Variants in CTNNA3 observed in about 807,000 individuals in gnomAD.
The protein encoded by CTNNA3 is catenin alpha 3.
CTNNA3 carries 76 observed loss-of-function variants against 95.7 expected under a neutral mutation model. The ratio of observed to expected loss-of-function variants is 0.79; its 90% CI spans 0.66 to 0.96. The LOEUF is 0.96. Ranked by LOEUF, CTNNA3 falls within the 40% of genes least tolerant of loss-of-function variation. The probability of loss-of-function intolerance (pLI) is 0.00; values close to 1 mark genes in which losing one functional copy is unlikely to be tolerated. For missense variants in CTNNA3, 1,191 were observed against 1,089.8 expected, an observed-to-expected ratio of 1.09 and a Z score of -1.31; for synonymous variants, 431 against 374.4, an observed-to-expected ratio of 1.15 and a Z score of -1.74.
At chr10:66,095,489 A>G (rs143111187) in intron 14 of CTNNA3, among the ~76,000 whole-genome samples, 1 of 152,260 alleles carries the variant, frequency 6.6e-6, no homozygotes, top group East Asian at 1.9e-4. Context: ...ATGTGTCCCA[A>G]TATTCTGTAA....
chr10:66,372,811 G>C (rs1004556215), intron 12 of CTNNA3, among the ~76,000 whole-genome samples: 1 of 152,102 alleles, frequency 6.6e-6, no homozygotes, highest in African/African-American at 2.4e-5. Flanking sequence ...GATTTTGTGA[G>C]AACTCACTGT....
intron 7 of CTNNA3, among the ~76,000 whole-genome samples, chr10:66,874,897 G>C (rs1310238930): frequency 1.3e-5 from 2 of 152,186 alleles, no homozygotes; most frequent in African/African-American, 4.8e-5. Flanking sequence ...ACCAGAAACA[G>C]ACACTATTCC....
At chr10:66,587,402 G>T (rs1170423566) in intron 10 of CTNNA3, among the ~76,000 whole-genome samples, 1 of 152,080 alleles carries the variant, frequency 6.6e-6, no homozygotes, top group Non-Finnish European at 1.5e-5. Context: ...GTCACTCAGG[G>T]GAGGTATTCC....
intron 15 of CTNNA3, among the ~76,000 whole-genome samples, chr10:66,025,445 A>G (rs1185797887): frequency 6.6e-6 from 1 of 152,186 alleles, no homozygotes; most frequent in African/African-American, 2.4e-5. Context: ...CAAGTCAGCA[A>G]TTGCTCATTT....
intron 10 of CTNNA3, among the ~76,000 whole-genome samples, chr10:66,562,935 A>T (rs527544208): frequency 1.3e-5 from 2 of 152,252 alleles, no homozygotes; most frequent in African/African-American, 4.8e-5. Flanking sequence ...CATTTCAGGA[A>T]CATTAAAATA....
intron 5 of CTNNA3, among the ~76,000 whole-genome samples, chr10:67,249,892 A>C (rs1866039714): frequency 6.6e-6 from 1 of 152,086 alleles, no homozygotes; most frequent in Non-Finnish European, 1.5e-5. Context: ...CCCAGAAAAA[A>C]CCCACACAGA....
chr10:67,451,986 T>C (rs1847003250), intron 5 of CTNNA3, among the ~76,000 whole-genome samples: 1 of 148,030 alleles, frequency 6.8e-6, no homozygotes, highest in Admixed American at 6.8e-5. Context: ...AACACATAGT[T>C]AGAGTTCCGA....
intron 8 of CTNNA3, among the ~76,000 whole-genome samples, chr10:66,772,039 CT>C (rs5785785): frequency 0.85 from 129,160 of 151,958 alleles, 55,185 homozygotes; most frequent in East Asian, 1. Flanking sequence ...AGGCATCAAG[CT>C]GTACAAGTCA....
intron 13 of CTNNA3, among the ~76,000 whole-genome samples, chr10:66,269,684 A>G (rs1367245218): frequency 6.6e-6 from 1 of 152,204 alleles, no homozygotes; most frequent in African/African-American, 2.4e-5. Flanking sequence ...GACTGATAAT[A>G]GAGGATAATG....
At chr10:66,292,552 C>T (rs935531233) in intron 12 of CTNNA3, among the ~76,000 whole-genome samples, 9 of 152,062 alleles carry the variant, frequency 5.9e-5, no homozygotes, top group African/African-American at 2.2e-4. Context: ...AAAGTTCTGC[C>T]ACTGCAATTC....
chr10:66,660,212 GCT>G (rs1370119922), intron 9 of CTNNA3, among the ~76,000 whole-genome samples: 1 of 152,104 alleles, frequency 6.6e-6, no homozygotes, highest in Non-Finnish European at 1.5e-5. Context: ...ACTGGTGACT[GCT>G]CATTGACTAA....
chr10:66,895,933 AAAG>A (rs1465278963), intron 7 of CTNNA3, among the ~76,000 whole-genome samples: 13 of 150,696 alleles, frequency 8.6e-5, no homozygotes, highest in Non-Finnish European at 1.9e-4. Context: ...AAAAAAAAAA[AAAG>A]AACACACAGA....
chr10:66,469,177 C>T (rs1421530890), intron 11 of CTNNA3, among the ~76,000 whole-genome samples: 2 of 151,776 alleles, frequency 1.3e-5, no homozygotes, highest in Non-Finnish European at 2.9e-5. Context: ...TTTTGGGGCT[C>T]ACATATTCAA....
At chr10:66,783,714 C>T (rs1840631676) in intron 7 of CTNNA3, among the ~76,000 whole-genome samples, 1 of 152,152 alleles carries the variant, frequency 6.6e-6, no homozygotes, top group African/African-American at 2.4e-5. Context: ...TAGCATTACA[C>T]ACATAGACCA....
chr10:67,342,915 G>A (rs1842269466), intron 5 of CTNNA3, among the ~76,000 whole-genome samples: 1 of 151,526 alleles, frequency 6.6e-6, no homozygotes, highest in Non-Finnish European at 1.5e-5. Flanking sequence ...TCTTTTTTTG[G>A]ATGGCTTTGG....
intron 7 of CTNNA3, among the ~76,000 whole-genome samples, chr10:67,110,022 C>T (rs1232395546): frequency 6.6e-6 from 1 of 152,006 alleles, no homozygotes; most frequent in Admixed American, 6.6e-5. Context: ...CAAAGGCAGC[C>T]ATGAGAATTC....
At chr10:67,266,037 A>T (rs1454715682) in intron 5 of CTNNA3, among the ~76,000 whole-genome samples, 2 of 152,178 alleles carry the variant, frequency 1.3e-5, no homozygotes, top group East Asian at 3.8e-4. Flanking sequence ...CATTTCATGA[A>T]AGATTTCAAT....
At chr10:66,365,252 G>A (rs1185472648) in intron 12 of CTNNA3, among the ~76,000 whole-genome samples, 1 of 152,066 alleles carries the variant, frequency 6.6e-6, no homozygotes, top group Admixed American at 6.6e-5. Context: ...GGATGAAGCT[G>A]GAAACCATCA....
At chr10:66,484,884 G>A (rs919839545) in intron 11 of CTNNA3, among the ~76,000 whole-genome samples, 2 of 152,224 alleles carry the variant, frequency 1.3e-5, no homozygotes, top group African/African-American at 4.8e-5. Context: ...CATGTGCTAT[G>A]ATAAAGTGGG....
Sources: gnomAD v4.1 joint callset for allele counts (sites outside exome capture counted in the v4.1 genomes callset) on GRCh38, gnomAD v4.1.1 for gene constraint, MANE v1.5 for transcripts, NCBI Gene and HGNC (gene_info 2026-07-23, HGNC 2026-07-21) for gene names.